Variants in CCSER1 observed in about 807,000 individuals in gnomAD.
The protein encoded by CCSER1 is coiled-coil serine rich protein 1.
Under a neutral mutation model 82.0 loss-of-function variants are expected in CCSER1, and 41 were observed. The observed-to-expected ratio is 0.50, with a 90% CI of 0.39 to 0.65. CCSER1 has a LOEUF of 0.65. Among genes scored for constraint, CCSER1 ranks in the 30% least tolerant of loss-of-function variants. CCSER1 has a pLI of 0.00. For synonymous variants in CCSER1, 414 were observed against 383.9 expected (o/e 1.08, Z -0.92); for missense variants, 1,119 against 1,064.2 (o/e 1.05, Z -0.72).
At chr4:91,156,716 C>T (rs886705049) in intron 10 of CCSER1, among the ~76,000 whole-genome samples, 1 of 151,790 alleles carries the variant, frequency 6.6e-6, no homozygotes. Flanking sequence ...GTAAATCTTT[C>T]TTCATTTGCA....
At chr4:91,288,137 T>TAGG (rs1355218434) in intron 10 of CCSER1, among the ~76,000 whole-genome samples, 5 of 145,800 alleles carry the variant, frequency 3.4e-5, no homozygotes, top group Admixed American at 6.9e-5. Flanking sequence ...CATGTATATA[T>TAGG]ATATACACTC....
intron 10 of CCSER1, among the ~76,000 whole-genome samples, chr4:91,587,885 G>T (rs1029605799): frequency 6.6e-6 from 1 of 151,212 alleles, no homozygotes; most frequent in Non-Finnish European, 1.5e-5. Context: ...TAAAATCAAG[G>T]TATTAAAATA....
chr4:91,006,770 C>A (rs1020594589), intron 9 of CCSER1, among the ~76,000 whole-genome samples: 1 of 152,084 alleles, frequency 6.6e-6, no homozygotes, highest in African/African-American at 2.4e-5. Flanking sequence ...GGATTACAGG[C>A]GGCCTTTTAT....
intron 10 of CCSER1, among the ~76,000 whole-genome samples, chr4:91,350,598 T>C (rs1748406348): frequency 6.6e-6 from 1 of 152,118 alleles, no homozygotes; most frequent in African/African-American, 2.4e-5. Flanking sequence ...GATTAATTTG[T>C]TTATTGTCAC....
chr4:91,154,334 T>A (rs994417847), intron 10 of CCSER1, among the ~76,000 whole-genome samples: 1 of 152,102 alleles, frequency 6.6e-6, no homozygotes, highest in African/African-American at 2.4e-5. Context: ...AATCTCCTGG[T>A]ATGCCATTTG....
chr4:91,479,181 T>C (rs559179159), intron 10 of CCSER1, among the ~76,000 whole-genome samples: 277 of 151,720 alleles, frequency 1.8e-3, no homozygotes, highest in African/African-American at 6.5e-3. Context: ...CTTTCTTTTT[T>C]TTTTTAGAAT....
At chr4:90,622,915 C>A (rs1722598001) in intron 5 of CCSER1, among the ~76,000 whole-genome samples, 1 of 152,116 alleles carries the variant, frequency 6.6e-6, no homozygotes, top group South Asian at 2.1e-4. Flanking sequence ...TCTCCACATC[C>A]TCTCCAGCAC....
Position 90,180,120 on chromosome 4 carries a change from T to TTTTA in CCSER1, c.-42+52290_-42+52291insTTAT, listed in dbSNP as rs1733442573. Among the ~76,000 whole-genome samples the TTTTA allele has an allele frequency of 2.1e-5, 3 of 140,314 alleles. No homozygotes were observed. In the East Asian group the frequency reaches 5.9e-4, roughly 28 times the overall value. The allele number at this position is 140,314 out of a possible 152,430, so 92.1% of individuals were successfully genotyped here. A position where few individuals can be genotyped will look rare whatever the true frequency, so the allele number is the denominator to read the frequency against. ...TTTGATGTATGTATTGCTTATGTAG[T>TTTTA]TATATATATATATATATATATAAAT... On this transcript the variant is annotated intron_variant, in intron 1 of 10. Transcript: ENST00000509176.
chr4:90,397,433 T>A (rs6833250), intron 3 of CCSER1, among the ~76,000 whole-genome samples: 8,914 of 152,288 alleles, frequency 0.059, 321 homozygotes, highest in African/African-American at 0.097. Context: ...GTATTAACTG[T>A]CAGAATTCAA....
At chr4:91,072,179 T>TG (rs1721507728) in intron 9 of CCSER1, among the ~76,000 whole-genome samples, 2 of 152,074 alleles carry the variant, frequency 1.3e-5, no homozygotes, top group South Asian at 4.1e-4. Context: ...GCTAGAAAAC[T>TG]GGGGGGCATG....
chr4:90,427,445 T>A (rs1757680725), intron 4 of CCSER1, among the ~76,000 whole-genome samples: 1 of 151,090 alleles, frequency 6.6e-6, no homozygotes. Flanking sequence ...TTTTAAAAAA[T>A]TAATAAATAT....
chr4:90,794,533 G>A (rs1755713474), intron 7 of CCSER1, among the ~76,000 whole-genome samples: 1 of 152,022 alleles, frequency 6.6e-6, no homozygotes, highest in African/African-American at 2.4e-5. Context: ...TGTCTGTTTT[G>A]TACCAGTACC....
intron 1 of CCSER1, among the ~76,000 whole-genome samples, chr4:90,300,629 G>T (rs1390983118): frequency 6.6e-6 from 1 of 152,044 alleles, no homozygotes; most frequent in South Asian, 2.1e-4. Flanking sequence ...AATATGAGGG[G>T]TGTCCAAATT....
At position 90,883,002 on chromosome 4, in the gene CCSER1, A is replaced by G. The variant is rs188651425; in HGVS notation, c.2095-40368A>G. Reference sequence around the variant, plus strand: ...TATGTTTAGAACAATTCTATACAGTAGTTTCTAATATTATCCCAGTTAGAC... The same window carrying G: ...TATGTTTAGAACAATTCTATACAGTGGTTTCTAATATTATCCCAGTTAGAC... On this transcript the variant is annotated intron_variant, in intron 8 of 10. Transcript: ENST00000509176. Among the ~76,000 whole-genome samples, 30 of 152,192 alleles carry G rather than the reference A, an allele frequency of 2.0e-4. No individual in the cohort carries two copies. In the East Asian group the frequency reaches 5.6e-3, roughly 28 times the overall value.
chr4:90,550,201 G>C (rs576655842), intron 5 of CCSER1, among the ~76,000 whole-genome samples: 1 of 152,080 alleles, frequency 6.6e-6, no homozygotes, highest in Non-Finnish European at 1.5e-5. Flanking sequence ...CTGTATCACA[G>C]GGCGTGCTAA....
At chr4:90,194,941 G>C (rs1057016267) in intron 1 of CCSER1, among the ~76,000 whole-genome samples, 1 of 151,980 alleles carries the variant, frequency 6.6e-6, no homozygotes, top group African/African-American at 2.4e-5. Context: ...CAGAAATATA[G>C]AAAATGTTCT....
intron 9 of CCSER1, among the ~76,000 whole-genome samples, chr4:91,055,362 T>G (rs1349599897): frequency 6.6e-6 from 1 of 152,236 alleles, no homozygotes; most frequent in African/African-American, 2.4e-5. Flanking sequence ...AATTGTTGTT[T>G]ATTTTTAATG....
intron 7 of CCSER1, among the ~76,000 whole-genome samples, chr4:90,796,720 C>A (rs1756093942): frequency 6.6e-6 from 1 of 152,108 alleles, no homozygotes; most frequent in Non-Finnish European, 1.5e-5. Context: ...TTTCTGATTT[C>A]TTCCTGAATT....
intron 9 of CCSER1, among the ~76,000 whole-genome samples, chr4:90,994,461 A>G (rs936867770): frequency 5.9e-5 from 9 of 151,908 alleles, no homozygotes; most frequent in Non-Finnish European, 8.8e-5. Flanking sequence ...TACTGAATGC[A>G]TGATGCTTTC....
Sources: gnomAD v4.1 joint callset for allele counts (sites outside exome capture counted in the v4.1 genomes callset) on GRCh38, gnomAD v4.1.1 for gene constraint, MANE v1.5 for transcripts, NCBI Gene and HGNC (gene_info 2026-07-23, HGNC 2026-07-21) for gene names.